Variants in OPCML observed in about 807,000 individuals in gnomAD.
OPCML encodes opioid-binding protein/cell adhesion molecule.
In OPCML, 13 loss-of-function variants were observed where a neutral mutation model predicts 37.8. The ratio of observed to expected loss-of-function variants is 0.34; its 90% CI spans 0.22 to 0.55. OPCML has a LOEUF of 0.55. Among genes scored for constraint, OPCML ranks in the 20% least tolerant of loss-of-function variants. The probability of loss-of-function intolerance (pLI) is 0.91; values close to 1 mark genes in which losing one functional copy is unlikely to be tolerated. For missense variants in OPCML, 341 were observed against 435.6 expected (o/e 0.78, Z 1.93); for synonymous variants, 176 against 168.8 (o/e 1.04, Z -0.33).
At chr11:133,457,107 C>A (rs1480828849) in intron 1 of OPCML, among the ~76,000 whole-genome samples, 1 of 152,076 alleles carries the variant, frequency 6.6e-6, no homozygotes, top group Non-Finnish European at 1.5e-5. Context: ...TTGAACAGAG[C>A]AAAAGGAAAG....
intron 1 of OPCML, among the ~76,000 whole-genome samples, chr11:133,331,356 G>C (rs908180099): frequency 4.6e-5 from 7 of 152,062 alleles, no homozygotes; most frequent in Admixed American, 1.3e-4. Flanking sequence ...TGCAATGTAG[G>C]CTCCCACCCC....
chr11:132,928,433 AT>A (rs932638317), intron 2 of OPCML, among the ~76,000 whole-genome samples: 4 of 152,214 alleles, frequency 2.6e-5, no homozygotes, highest in Admixed American at 6.5e-5. Flanking sequence ...ATACAAAAAA[AT>A]AAACATATAT....
At chr11:133,036,593 A>G (rs1300107135) in intron 1 of OPCML, among the ~76,000 whole-genome samples, 1 of 152,240 alleles carries the variant, frequency 6.6e-6, no homozygotes, top group African/African-American at 2.4e-5. Context: ...GTTGTATTAT[A>G]CAATGACCTG....
intron 1 of OPCML, among the ~76,000 whole-genome samples, chr11:133,165,679 T>C (rs1950199571): frequency 6.6e-6 from 1 of 152,240 alleles, no homozygotes; most frequent in Non-Finnish European, 1.5e-5. Flanking sequence ...TCCTGTGTTT[T>C]ACGTTTGTTT....
intron 2 of OPCML, among the ~76,000 whole-genome samples, chr11:132,745,563 C>CAAAAAAAAA (rs10562857): frequency 9.7e-6 from 1 of 102,968 alleles, no homozygotes; most frequent in Admixed American, 1.1e-4. Flanking sequence ...TGCTGTCTTG[C>CAAAAAAAAA]AAAAAAAAAA....
chr11:132,876,419 C>T (rs1943019127), intron 2 of OPCML, among the ~76,000 whole-genome samples: 1 of 152,192 alleles, frequency 6.6e-6, no homozygotes, highest in South Asian at 2.1e-4. Flanking sequence ...ACCCAGGAAA[C>T]ATCATTACTC....
At chr11:132,979,573 T>C (rs1472448982) in intron 1 of OPCML, among the ~76,000 whole-genome samples, 3 of 152,222 alleles carry the variant, frequency 2.0e-5, no homozygotes, top group Non-Finnish European at 4.4e-5. Context: ...GTCTCTTCCC[T>C]CCTCCCCAGC....
Position 133,394,995 on chromosome 11 carries a change from T to C in OPCML, c.61+137269A>G, listed in dbSNP as rs1372311312. On this transcript the variant is annotated intron_variant, in intron 1 of 7. Coordinates refer to ENST00000524381, the MANE Select transcript of OPCML (RefSeq NM_001012393.5). ...TACTAATTTACATTCCCACTGACAGTGTACAAGGGTTCCCTTTTTTCCACA... is the reference window on the plus strand; with the variant it reads ...TACTAATTTACATTCCCACTGACAGCGTACAAGGGTTCCCTTTTTTCCACA... Among the ~76,000 whole-genome samples, 15 of 152,368 alleles carry C rather than the reference T, an allele frequency of 9.8e-5. No homozygotes were observed. In the East Asian group the frequency reaches 2.7e-3, roughly 27 times the overall value.
chr11:133,353,297 G>A (rs1447096743), intron 1 of OPCML, among the ~76,000 whole-genome samples: 2 of 152,030 alleles, frequency 1.3e-5, no homozygotes. Flanking sequence ...CTCCCAAGTA[G>A]CTGGGACTAC....
At chr11:132,472,128 A>G (rs1263370673) in intron 4 of OPCML, among the ~76,000 whole-genome samples, 1 of 152,212 alleles carries the variant, frequency 6.6e-6, no homozygotes, top group African/African-American at 2.4e-5. Flanking sequence ...ACCAACATAC[A>G]TACATGTCAC....
chr11:133,519,971 C>T (rs760523320), intron 1 of OPCML, among the ~76,000 whole-genome samples: 18 of 152,182 alleles, frequency 1.2e-4, no homozygotes, highest in Non-Finnish European at 1.3e-4. Context: ...TGCCACCTTA[C>T]GTCTCTGAGA....
At chr11:133,116,247 G>T (rs1156620494) in intron 1 of OPCML, among the ~76,000 whole-genome samples, 2 of 152,208 alleles carry the variant, frequency 1.3e-5, no homozygotes, top group East Asian at 3.9e-4. Flanking sequence ...GATTACAGGT[G>T]TGAGCCACTG....
chr11:132,714,931 A>C (rs1944412465), intron 2 of OPCML, among the ~76,000 whole-genome samples: 1 of 152,198 alleles, frequency 6.6e-6, no homozygotes, highest in South Asian at 2.1e-4. Flanking sequence ...AAAACAGTTC[A>C]CAGTGCAAAG....
chr11:132,860,297 A>G (rs747748151), intron 2 of OPCML, among the ~76,000 whole-genome samples: 28 of 152,236 alleles, frequency 1.8e-4, no homozygotes, highest in Non-Finnish European at 4.0e-4. Context: ...ATGCAGAACA[A>G]AGGCCTGGAG....
chr11:132,787,662 T>C (rs1337383016), intron 2 of OPCML, among the ~76,000 whole-genome samples: 1 of 152,150 alleles, frequency 6.6e-6, no homozygotes, highest in Non-Finnish European at 1.5e-5. Context: ...CCAGAGAAGG[T>C]TGGTATCTTT....
intron 1 of OPCML, among the ~76,000 whole-genome samples, chr11:133,347,527 T>C (rs1301613004): frequency 1.3e-5 from 2 of 152,204 alleles, no homozygotes; most frequent in Non-Finnish European, 2.9e-5. Flanking sequence ...GTGTTTTTTT[T>C]CTCCTGTATC....
intron 3 of OPCML, among the ~76,000 whole-genome samples, chr11:132,556,134 G>A (rs1035108940): frequency 1.3e-5 from 2 of 151,992 alleles, no homozygotes; most frequent in Non-Finnish European, 2.9e-5. Flanking sequence ...GTAGAGATAG[G>A]ATATTGCTGT....
chr11:132,716,784 G>A (rs1944510185), intron 2 of OPCML, among the ~76,000 whole-genome samples: 1 of 152,082 alleles, frequency 6.6e-6, no homozygotes, highest in Admixed American at 6.5e-5. Flanking sequence ...CATTTATTAA[G>A]TACCTCGTAC....
At position 133,230,823 on chromosome 11, in the gene OPCML, T is replaced by A. The variant is rs143816458; in HGVS notation, c.62-287813A>T. Among the ~76,000 whole-genome samples the A allele has an allele frequency of 2.1e-4, 32 of 152,264 alleles. No individual in the cohort carries two copies. The East Asian group carries it at 6.2e-3, about 29-fold the overall frequency. On this transcript the variant is annotated intron_variant, in intron 1 of 7. Coordinates refer to ENST00000524381, the MANE Select transcript of OPCML (RefSeq NM_001012393.5). ...GCATTTCCATGTTGCAGGACTCTGCTCCAGGGCTCTGCAGATCTGGCACTA... is the reference window on the plus strand; with the variant it reads ...GCATTTCCATGTTGCAGGACTCTGCACCAGGGCTCTGCAGATCTGGCACTA...
Sources: allele counts gnomAD v4.1 joint callset (sites outside exome capture counted in the v4.1 genomes callset), GRCh38; gene constraint gnomAD v4.1.1; transcripts MANE v1.5; gene names NCBI Gene and HGNC (gene_info 2026-07-23, HGNC 2026-07-21).